The following RBFOX1 variants were observed in gnomAD, a reference collection of about 807,000 sequenced individuals.
RBFOX1 encodes the protein RNA binding fox-1 homolog 1.
In RBFOX1, 8 loss-of-function variants were observed where a neutral mutation model predicts 57.7. The observed-to-expected ratio is 0.14, with a 90% CI of 0.08 to 0.25. RBFOX1 has a LOEUF of 0.25. Among genes scored for constraint, RBFOX1 ranks in the 10% least tolerant of loss-of-function variants. The pLI is 1.00. For synonymous variants in RBFOX1, 326 were observed against 222.4 expected (o/e 1.47, Z -4.15); for missense variants, 611 against 548.5 (o/e 1.11, Z -1.14).
intron 3 of RBFOX1, among the ~76,000 whole-genome samples, chr16:5,833,463 C>A (rs1212811444): frequency 6.8e-6 from 1 of 148,038 alleles, no homozygotes; most frequent in Non-Finnish European, 1.5e-5. Flanking sequence ...CCACTGCACT[C>A]CAGCCTGGGC....
intron 3 of RBFOX1, among the ~76,000 whole-genome samples, chr16:5,609,075 T>A (rs746133518): frequency 6.6e-6 from 1 of 152,132 alleles, no homozygotes; most frequent in Non-Finnish European, 1.5e-5. Context: ...CAAATACATC[T>A]CTGTAAGGGA....
At chr16:7,234,107 A>T (rs546581503) in intron 4 of RBFOX1, among the ~76,000 whole-genome samples, 1 of 152,258 alleles carries the variant, frequency 6.6e-6, no homozygotes, top group South Asian at 2.1e-4. Context: ...TTTTCATTGC[A>T]TTCAGCTCTA....
intron 1 of RBFOX1, among the ~76,000 whole-genome samples, chr16:5,443,570 C>A (rs1038558969): frequency 6.6e-6 from 1 of 152,106 alleles, no homozygotes; most frequent in African/African-American, 2.4e-5. Context: ...AAACTCCTGG[C>A]CTCAAGTGAT....
rs1229080573 is a variant in RBFOX1 at position 7,212,735 on chromosome 16, C to G, written c.27+160637C>G. 3.3e-5 allele frequency among the ~76,000 whole-genome samples: 5 copies of G among 152,244 alleles called. No homozygotes were observed. In the East Asian group the frequency reaches 9.7e-4, roughly 29 times the overall value. On this transcript the variant is annotated intron_variant, in intron 4 of 15. Coordinates refer to ENST00000550418, the MANE Select transcript of RBFOX1 (RefSeq NM_018723.4). ...ACCTAAAGCATGTGGGCCTTAAAAC[C>G]TAGATGACAGGTTGATAGGTGCAGC...
At chr16:5,803,287 C>T (rs1395340116) in intron 3 of RBFOX1, among the ~76,000 whole-genome samples, 1 of 152,166 alleles carries the variant, frequency 6.6e-6, no homozygotes, top group Non-Finnish European at 1.5e-5. Flanking sequence ...AACACAGGCT[C>T]TAAGAGTTCC....
chr16:7,392,764 G>A (rs2098058092), intron 4 of RBFOX1, among the ~76,000 whole-genome samples: 1 of 152,144 alleles, frequency 6.6e-6, no homozygotes, highest in African/African-American at 2.4e-5. Flanking sequence ...GAATCTAAGG[G>A]TTTGCATAAT....
At chr16:5,997,183 C>G (rs192395733) in intron 4 of RBFOX1, among the ~76,000 whole-genome samples, 89 of 152,270 alleles carry the variant, frequency 5.8e-4, no homozygotes, top group African/African-American at 2.0e-3. Context: ...TCTCCATTGT[C>G]CAAACCTACC....
intron 3 of RBFOX1, among the ~76,000 whole-genome samples, chr16:6,743,293 C>A (rs77158694): frequency 6.6e-6 from 1 of 151,978 alleles, no homozygotes; most frequent in Non-Finnish European, 1.5e-5. Flanking sequence ...AATGAAAAAC[C>A]AATAGGTTAT....
intron 4 of RBFOX1, among the ~76,000 whole-genome samples, chr16:7,288,614 G>T (rs547393465): frequency 1.3e-5 from 2 of 152,308 alleles, no homozygotes; most frequent in East Asian, 3.9e-4. Flanking sequence ...GCTGAGCTGG[G>T]CAGATCACTT....
chr16:6,601,288 C>G (rs771922425), intron 2 of RBFOX1, among the ~76,000 whole-genome samples: 2 of 152,004 alleles, frequency 1.3e-5, no homozygotes, highest in Non-Finnish European at 2.9e-5. Context: ...AGATACGGCT[C>G]TAGTATTTAA....
intron 1 of RBFOX1, among the ~76,000 whole-genome samples, chr16:6,156,055 C>G (rs1456848777): frequency 2.6e-5 from 4 of 152,130 alleles, no homozygotes; most frequent in Non-Finnish European, 5.9e-5. Flanking sequence ...GGAGATCTGC[C>G]TGAAGCCACA....
intron 1 of RBFOX1, among the ~76,000 whole-genome samples, chr16:6,200,915 G>A (rs749868395): frequency 1.3e-5 from 2 of 149,468 alleles, no homozygotes; most frequent in Non-Finnish European, 3.0e-5. Flanking sequence ...CATTTTTGCT[G>A]GATAGAGTTT....
chr16:7,367,885 TACACACACACAC>T (rs34277471), intron 4 of RBFOX1, among the ~76,000 whole-genome samples: 1 of 148,334 alleles, frequency 6.7e-6, no homozygotes, highest in Non-Finnish European at 1.5e-5. Context: ...CATGCGTGCA[TACACACACACAC>T]ACACACACAC....
intron 3 of RBFOX1, among the ~76,000 whole-genome samples, chr16:6,708,410 T>C (rs2063146505): frequency 6.6e-6 from 1 of 152,218 alleles, no homozygotes; most frequent in Non-Finnish European, 1.5e-5. Flanking sequence ...AGTTAAGTTC[T>C]AAAATTATAG....
At chr16:6,902,620 G>T (rs1271207669) in intron 3 of RBFOX1, among the ~76,000 whole-genome samples, 1 of 152,190 alleles carries the variant, frequency 6.6e-6, no homozygotes, top group Non-Finnish European at 1.5e-5. Flanking sequence ...TATTCAGGAG[G>T]CTCAGAAAGG....
chr16:5,527,108 A>G (rs1488911525), intron 2 of RBFOX1, among the ~76,000 whole-genome samples: 1 of 152,222 alleles, frequency 6.6e-6, no homozygotes, highest in African/African-American at 2.4e-5. Context: ...GGAAAGAATT[A>G]GGTGGCGACA....
intron 3 of RBFOX1, among the ~76,000 whole-genome samples, chr16:5,699,415 T>G (rs2050956950): frequency 6.6e-6 from 1 of 152,072 alleles, no homozygotes; most frequent in African/African-American, 2.4e-5. Context: ...AAGTTTAGTT[T>G]ATTTCTTCTA....
Position 6,019,575 on chromosome 16 carries a change from C to T in RBFOX1, c.-544C>T. 8.6e-7 allele frequency: 1 copy of T among 1,169,252 alleles called. No individual in the cohort carries two copies. The highest frequency in any genetic ancestry group is 1.1e-6 in the Non-Finnish European group (1 of 947,696). 72.4% of individuals were successfully genotyped at this position (1,169,252 alleles called of 1,614,324 possible). Reference sequence around the variant, plus strand: ...GGCGGCGGCACTGGCTGGACCCACGCGCGCGCCTCCGGGGCTGAAGAAGGA... The same window carrying T: ...GGCGGCGGCACTGGCTGGACCCACGTGCGCGCCTCCGGGGCTGAAGAAGGA... On this transcript the variant is annotated 5_prime_UTR_variant, in exon 1 of 16. Transcript: ENST00000550418. The surrounding 1 kb of genome is among the most constrained non-coding windows in gnomAD (Gnocchi z 4.2).
intron 3 of RBFOX1, among the ~76,000 whole-genome samples, chr16:6,956,168 G>T (rs771080424): frequency 6.6e-5 from 10 of 152,154 alleles, no homozygotes; most frequent in Non-Finnish European, 1.5e-4. Flanking sequence ...GGAAAAGATG[G>T]AATGAGGAAG....
Sources: gnomAD v4.1 joint callset for allele counts (sites outside exome capture counted in the v4.1 genomes callset) on GRCh38, gnomAD v4.1.1 for gene constraint, Gnocchi (gnomAD v3.1) non-coding constraint, MANE v1.5 for transcripts, NCBI Gene and HGNC (gene_info 2026-07-23, HGNC 2026-07-21) for gene names.